Variants in CCDC178 observed in about 807,000 individuals in gnomAD.
CCDC178 encodes the protein coiled-coil domain-containing protein 178.
Under a neutral mutation model 117.4 loss-of-function variants are expected in CCDC178, and 126 were observed. That is an observed-to-expected ratio of 1.07 (90% CI 0.93 to 1.24). The LOEUF (loss-of-function observed/expected upper bound fraction) is 1.24, where lower values mean the gene tolerates loss of function less well. Ranked by LOEUF, CCDC178 falls within the 50% of genes most tolerant of loss-of-function variation. The pLI, the probability that CCDC178 is intolerant of heterozygous loss-of-function variation, is 0.00. For synonymous variants in CCDC178, 283 were observed against 313.4 expected (o/e 0.90, Z 1.02); for missense variants, 1,030 against 986.9 (o/e 1.04, Z -0.59).
At chr18:33,188,257 G>A (rs1403321043) in intron 20 of CCDC178, among the ~76,000 whole-genome samples, 1 of 152,058 alleles carries the variant, frequency 6.6e-6, no homozygotes, top group Admixed American at 6.6e-5. Flanking sequence ...TCAGTATAGG[G>A]TCTGTGGTTT....
chr18:33,069,791 T>C (rs2057078088), intron 21 of CCDC178, among the ~76,000 whole-genome samples: 1 of 151,932 alleles, frequency 6.6e-6, no homozygotes, highest in African/African-American at 2.4e-5. Flanking sequence ...AAAAGATTCA[T>C]GACCAGAATA....
At chr18:33,349,273 A>T (rs2062939220) in intron 7 of CCDC178, among the ~76,000 whole-genome samples, 1 of 151,924 alleles carries the variant, frequency 6.6e-6, no homozygotes, top group Non-Finnish European at 1.5e-5. Flanking sequence ...CTGTAAGACA[A>T]AGGGTATTCT....
intron 21 of CCDC178, among the ~76,000 whole-genome samples, chr18:32,987,294 T>TA (rs555072605): frequency 6.6e-6 from 1 of 151,502 alleles, no homozygotes; most frequent in Non-Finnish European, 1.5e-5. Context: ...AACTAAATAA[T>TA]AAAAAAAATT....
At chr18:33,395,220 G>A (rs2063619787) in intron 4 of CCDC178, among the ~76,000 whole-genome samples, 1 of 151,072 alleles carries the variant, frequency 6.6e-6, no homozygotes, top group Admixed American at 6.6e-5. Flanking sequence ...GAAATCGGAT[G>A]GGGAAAAATT....
At chr18:32,938,475 C>G (rs2054168998) in intron 22 of CCDC178, among the ~76,000 whole-genome samples, 1 of 152,012 alleles carries the variant, frequency 6.6e-6, no homozygotes, top group East Asian at 1.9e-4. Context: ...GGTCACTAGG[C>G]TTCTGTTCAT....
At chr18:33,345,985 G>A (rs762206753) in intron 9 of CCDC178, among the ~76,000 whole-genome samples, 5 of 152,012 alleles carry the variant, frequency 3.3e-5, no homozygotes, top group Admixed American at 6.6e-5. Flanking sequence ...GCACCACCAC[G>A]CCTGGCTAAT....
At chr18:33,116,108 C>T (rs975217828) in intron 20 of CCDC178, among the ~76,000 whole-genome samples, 2 of 151,990 alleles carry the variant, frequency 1.3e-5, no homozygotes. Flanking sequence ...GAATTATTAA[C>T]CTAGAATCTG....
At chr18:33,012,474 C>T (rs2055890687) in intron 21 of CCDC178, among the ~76,000 whole-genome samples, 1 of 152,102 alleles carries the variant, frequency 6.6e-6, no homozygotes, top group South Asian at 2.1e-4. Context: ...TAAAATATTT[C>T]AACTTTACCT....
Position 33,048,676 on chromosome 18 carries a change from G to A in CCDC178, c.2388+44085C>T, listed in dbSNP as rs117687583. ...TCCCTGTATACTGACTGTGAGAATC[G>A]TTGCTTTTATCTGTTTGTATCTTAG... On this transcript the variant is annotated intron_variant, in intron 21 of 22. Transcript: ENST00000383096. Among the ~76,000 whole-genome samples the A allele has an allele frequency of 3.4e-3, 514 of 152,154 alleles. 4 individuals carry two copies. The highest frequency in any genetic ancestry group is 5.5e-3 in the Non-Finnish European group (372 of 67,976).
chr18:33,288,072 T>C (rs990111128), intron 12 of CCDC178, among the ~76,000 whole-genome samples: 12 of 152,144 alleles, frequency 7.9e-5, no homozygotes, highest in African/African-American at 2.9e-4. Context: ...TAGTAATCCC[T>C]GGGAAAGCTA....
At chr18:33,060,980 G>A (rs1201003933) in intron 21 of CCDC178, among the ~76,000 whole-genome samples, 1 of 151,948 alleles carries the variant, frequency 6.6e-6, no homozygotes, top group Non-Finnish European at 1.5e-5. Flanking sequence ...TATGCTGAAG[G>A]AAAACCTCAT....
intron 20 of CCDC178, among the ~76,000 whole-genome samples, chr18:33,110,732 T>A (rs2057769459): frequency 6.6e-6 from 1 of 151,632 alleles, no homozygotes; most frequent in South Asian, 2.1e-4. Context: ...GTTTACATTC[T>A]AAGTGTGTTT....
intron 21 of CCDC178, among the ~76,000 whole-genome samples, chr18:32,986,147 A>G (rs2055258080): frequency 1.3e-5 from 2 of 152,102 alleles, no homozygotes; most frequent in African/African-American, 4.8e-5. Flanking sequence ...CACTCTGAAG[A>G]GTGCTTTAAT....
chr18:33,075,184 C>G (rs1385473857), intron 21 of CCDC178, among the ~76,000 whole-genome samples: 1 of 152,116 alleles, frequency 6.6e-6, no homozygotes, highest in Non-Finnish European at 1.5e-5. Flanking sequence ...CCTCTTTTTC[C>G]TTCCACTCCC....
intron 12 of CCDC178, among the ~76,000 whole-genome samples, chr18:33,276,484 T>C (rs193138334): frequency 1.3e-5 from 2 of 152,124 alleles, no homozygotes; most frequent in Admixed American, 6.6e-5. Flanking sequence ...TCTCAAATGT[T>C]TGGAGTTTGA....
chr18:33,258,607 C>CTA (rs757635980), intron 14 of CCDC178, among the ~76,000 whole-genome samples: 5 of 152,092 alleles, frequency 3.3e-5, no homozygotes, highest in Non-Finnish European at 5.9e-5. Flanking sequence ...TATTATTTTC[C>CTA]TATACAACAA....
chr18:33,204,630 C>G (rs975245653), intron 20 of CCDC178, among the ~76,000 whole-genome samples: 18 of 152,066 alleles, frequency 1.2e-4, no homozygotes, highest in African/African-American at 3.4e-4. Context: ...TGAGTAAAGA[C>G]AACTTGGAAA....
At chr18:33,071,351 G>A (rs1313900458) in intron 21 of CCDC178, among the ~76,000 whole-genome samples, 1 of 152,022 alleles carries the variant, frequency 6.6e-6, no homozygotes, top group Admixed American at 6.6e-5. Context: ...TATTATAAAG[G>A]TATTTTTTAA....
At chr18:33,052,750 T>C (rs758164529) in intron 21 of CCDC178, among the ~76,000 whole-genome samples, 3 of 152,220 alleles carry the variant, frequency 2.0e-5, no homozygotes, top group East Asian at 1.9e-4. Context: ...TAGCTCCTCA[T>C]AAGCCCTTTA....
Sources: gnomAD v4.1 joint callset for allele counts (sites outside exome capture counted in the v4.1 genomes callset) on GRCh38, gnomAD v4.1.1 for gene constraint, MANE v1.5 for transcripts, NCBI Gene and HGNC (gene_info 2026-07-23, HGNC 2026-07-21) for gene names.